Variants in KCNJ1 observed in about 807,000 individuals in gnomAD.
The protein encoded by KCNJ1 is potassium inwardly rectifying channel subfamily J member 1.
A neutral mutation model predicts 21.9 loss-of-function variants in KCNJ1; 24 were observed. That is an observed-to-expected ratio of 1.10 (90% confidence interval 0.79 to 1.54). The LOEUF (loss-of-function observed/expected upper bound fraction) is 1.54. Among genes scored for constraint, KCNJ1 ranks in the 40% most tolerant of loss-of-function variants. The probability of loss-of-function intolerance (pLI) is 0.00; values close to 1 mark genes in which losing one functional copy is unlikely to be tolerated. For missense variants in KCNJ1, 457 were observed against 455.4 expected (o/e 1.00, Z -0.03); for synonymous variants, 152 against 160.9 (o/e 0.94, Z 0.42).
chr11:128,856,613 A>C lies in KCNJ1; in HGVS notation c.-191-5723T>G, dbSNP rs140627116. ...GCACCATCTTCTTTTCCTTCTTAGC[A>C]CTGAATACAACTGATTTCATGTTGG... is the stretch of plus-strand genomic sequence containing the variant. On this transcript the variant is annotated intron_variant, in intron 1 of 2. Transcript: ENST00000392666. Among the ~76,000 whole-genome samples the C allele has an allele frequency of 1.1e-4, 16 of 152,312 alleles. No homozygotes were observed. The East Asian group carries it at 2.9e-3, about 28-fold the overall frequency.
At chr11:128,849,818 ACTT>A (rs929878983) in intron 2 of KCNJ1, among the ~76,000 whole-genome samples, 1 of 152,070 alleles carries the variant, frequency 6.6e-6, no homozygotes, top group Non-Finnish European at 1.5e-5. Context: ...GGGTGTTGTT[ACTT>A]CTTCTATAGG....
intron 1 of KCNJ1, among the ~76,000 whole-genome samples, chr11:128,862,390 C>G (rs1276294395): frequency 6.6e-6 from 1 of 152,166 alleles, no homozygotes; most frequent in African/African-American, 2.4e-5. Flanking sequence ...GGAAAGGACT[C>G]TCAGACCTGG....
chr11:128,857,720 G>T (rs1943614101), intron 1 of KCNJ1, among the ~76,000 whole-genome samples: 1 of 152,184 alleles, frequency 6.6e-6, no homozygotes, highest in African/African-American at 2.4e-5. Context: ...CACTGCACAT[G>T]GTGGATTCAT....
chr11:128,866,532 G>A (rs1468579944), intron 1 of KCNJ1: 4 of 977,174 alleles, frequency 4.1e-6, no homozygotes, highest in Non-Finnish European at 4.9e-6. Flanking sequence ...CCTGTTCAGA[G>A]CAGAGATAAA....
In KCNJ1 at chr11:128,847,176, C is replaced by T. The variant is rs376693209; in HGVS notation, c.-22+3545G>A. Among the ~76,000 whole-genome samples, 461 of 152,268 alleles carry T rather than the reference C, an allele frequency of 3.0e-3. 2 individuals carry two copies. Among genetic ancestry groups the T allele is most frequent in the Non-Finnish European group, 4.4e-3 (302 of 68,014 alleles). On this transcript the variant is annotated intron_variant, in intron 2 of 2. Coordinates refer to ENST00000392666, the MANE Select transcript of KCNJ1 (RefSeq NM_153766.3). ...CATTGCTTCCTTAAGCCTCCCCCGC[C>T]GCATCACCTGAAACATGCCCAGATC... is the stretch of plus-strand genomic sequence containing the variant.
chr11:128,860,890 G>A lies in KCNJ1; in HGVS notation c.-192+6283C>T, dbSNP rs151217492. On this transcript the variant is annotated intron_variant, in intron 1 of 2. Coordinates refer to ENST00000392666, the MANE Select transcript of KCNJ1 (RefSeq NM_153766.3). ...TTCAGAATTTCCCTATCTGGGAGAC[G>A]AAGATCATGTCGCCGGGGCCTGCCT... 1.7e-3 allele frequency among the ~76,000 whole-genome samples: 258 copies of A among 152,276 alleles called. 1 individual carries two copies. In the East Asian group the frequency reaches 0.022, roughly 13 times the overall value.
intron 1 of KCNJ1, among the ~76,000 whole-genome samples, chr11:128,856,336 C>G (rs895775796): frequency 6.6e-6 from 1 of 152,236 alleles, no homozygotes; most frequent in African/African-American, 2.4e-5. Context: ...GACCCGGAGG[C>G]AACCAGGGCA....
At chr11:128,856,519 G>A (rs1187386779) in intron 1 of KCNJ1, among the ~76,000 whole-genome samples, 1 of 152,208 alleles carries the variant, frequency 6.6e-6, no homozygotes, top group Non-Finnish European at 1.5e-5. Flanking sequence ...CACATGTGAT[G>A]TACGCTGGGA....
At chr11:128,864,150 G>A (rs778559848) in intron 1 of KCNJ1, among the ~76,000 whole-genome samples, 6 of 126,814 alleles carry the variant, frequency 4.7e-5, no homozygotes, top group East Asian at 2.5e-4. Flanking sequence ...GCAGTGGCAC[G>A]ATCTCAGCTC....
intron 1 of KCNJ1, among the ~76,000 whole-genome samples, chr11:128,854,003 G>T (rs1206395324): frequency 6.6e-6 from 1 of 152,256 alleles, no homozygotes; most frequent in Non-Finnish European, 1.5e-5. Context: ...AGGTGTGTTT[G>T]GGTGAAGCAG....
At chr11:128,847,370 GTAACTA>G (rs1414739760) in intron 2 of KCNJ1, among the ~76,000 whole-genome samples, 2 of 152,262 alleles carry the variant, frequency 1.3e-5, no homozygotes, top group East Asian at 3.9e-4. Flanking sequence ...GGAAATAAGT[GTAACTA>G]TAACACAACA....
At chr11:128,860,725 G>A (rs1943690695) in intron 1 of KCNJ1, among the ~76,000 whole-genome samples, 1 of 152,212 alleles carries the variant, frequency 6.6e-6, no homozygotes. Context: ...AGAAAATGCT[G>A]AAGGAAGCTG....
At position 128,849,871 on chromosome 11, in the gene KCNJ1, G is replaced by T. The variant is rs76129896; in HGVS notation, c.-22+850C>A. Among the ~76,000 whole-genome samples the T allele has an allele frequency of 4.1e-3, 622 of 152,246 alleles. 4 individuals carry two copies. Among genetic ancestry groups the T allele is most frequent in the African/African-American group, 0.014 (576 of 41,536 alleles). ...GATGACAATGGCTCCTGTGGGAAGA[G>T]GAGGCAACACCTCCAACCCCTCCTG... On this transcript the variant is annotated intron_variant, in intron 2 of 2. Coordinates refer to ENST00000392666, the MANE Select transcript of KCNJ1 (RefSeq NM_153766.3).
rs763560097 is a variant in KCNJ1 at position 128,839,745 on chromosome 11, T to C, written c.499A>G (p.Lys167Glu). ...GAILAKISRP[K>E]KRAKTITFSK... ...AACGTAATGGTCTTGGCACGTTTTT[T>C]GGGCCTGGAGATCTTGGCTAAGATG... Residue 167 changes from lysine to glutamate, a missense_variant, in exon 3 of 3, where the codon AAA (lysine) becomes GAA (glutamate). Lys to Glu is a moderately conservative substitution (Grantham distance 56). Coordinates refer to ENST00000392666, the MANE Select transcript of KCNJ1 (RefSeq NM_153766.3). 17 of 1,613,794 alleles carry C rather than the reference T, an allele frequency of 1.1e-5. No homozygotes were observed. Among genetic ancestry groups the C allele is most frequent in the Non-Finnish European group, 1.4e-5 (16 of 1,180,002 alleles).
chr11:128,848,055 G>A (rs111680684), intron 2 of KCNJ1, among the ~76,000 whole-genome samples: 15,007 of 151,798 alleles, frequency 0.099, 893 homozygotes, highest in East Asian at 0.3. Context: ...TTGGGAGGCC[G>A]AGGTGGGTGG....
intron 1 of KCNJ1, among the ~76,000 whole-genome samples, chr11:128,855,631 G>C (rs903993671): frequency 6.6e-6 from 1 of 152,216 alleles, no homozygotes; most frequent in African/African-American, 2.4e-5. Flanking sequence ...CTTGTTATCA[G>C]AGTGAGTTAT....
At chr11:128,853,902 C>T (rs910815034) in intron 1 of KCNJ1, among the ~76,000 whole-genome samples, 1 of 152,220 alleles carries the variant, frequency 6.6e-6, no homozygotes, top group Non-Finnish European at 1.5e-5. Flanking sequence ...TATTATTCTG[C>T]TCACCCTCAC....
intron 2 of KCNJ1, among the ~76,000 whole-genome samples, chr11:128,850,381 T>C (rs1300982003): frequency 6.6e-6 from 1 of 152,246 alleles, no homozygotes; most frequent in Non-Finnish European, 1.5e-5. Context: ...CATTTACTTT[T>C]GTGCTGTCTC....
intron 2 of KCNJ1, among the ~76,000 whole-genome samples, chr11:128,845,424 A>G (rs1487899952): frequency 3.9e-5 from 6 of 152,224 alleles, no homozygotes; most frequent in Non-Finnish European, 5.9e-5. Flanking sequence ...AAGTGCATCT[A>G]ACTGCTGCTG....
Sources: gnomAD v4.1 joint callset for allele counts (sites outside exome capture counted in the v4.1 genomes callset) on GRCh38, gnomAD v4.1.1 for gene constraint, MANE v1.5 for transcripts, NCBI Gene and HGNC (gene_info 2026-07-23, HGNC 2026-07-21) for gene names.